Variants in RAI14 observed in about 807,000 individuals in gnomAD.
RAI14 encodes ankycorbin.
In RAI14, 45 loss-of-function variants were observed where a neutral mutation model predicts 115.4. The ratio of observed to expected loss-of-function variants is 0.39; its 90% CI spans 0.31 to 0.50. The LOEUF (loss-of-function observed/expected upper bound fraction) is 0.50. Among genes scored for constraint, RAI14 ranks in the 20% least tolerant of loss-of-function variants. RAI14 has a pLI of 0.85. For synonymous variants in RAI14, 371 were observed against 415.4 expected, an observed-to-expected ratio of 0.89 and a Z score of 1.30; for missense variants, 939 against 1,131.2, an observed-to-expected ratio of 0.83 and a Z score of 2.44.
intron 1 of RAI14, among the ~76,000 whole-genome samples, chr5:34,657,874 C>T (rs915497272): frequency 3.3e-5 from 5 of 152,214 alleles, no homozygotes; most frequent in Non-Finnish European, 1.5e-5. Context: ...GCCTGCAGGT[C>T]CCTGTTCGCC....
At chr5:34,754,805 C>A (rs866155409) in intron 2 of RAI14, among the ~76,000 whole-genome samples, 1 of 152,182 alleles carries the variant, frequency 6.6e-6, no homozygotes, top group Non-Finnish European at 1.5e-5. Context: ...AGAAACTGAA[C>A]TCCCTTAAAG....
At chr5:34,737,250 TCCTA>T (rs1744982991) in intron 2 of RAI14, among the ~76,000 whole-genome samples, 1 of 120,636 alleles carries the variant, frequency 8.3e-6, no homozygotes, top group African/African-American at 3.1e-5. Flanking sequence ...ACACAGATAC[TCCTA>T]ATGTAGTGCA....
At chr5:34,821,448 G>A (rs1237885745) in intron 13 of RAI14, among the ~76,000 whole-genome samples, 1 of 151,858 alleles carries the variant, frequency 6.6e-6, no homozygotes, top group Non-Finnish European at 1.5e-5. Flanking sequence ...ACCAAGATAT[G>A]ACACTTAAGC....
chr5:34,694,930 G>A (rs1254726698), intron 2 of RAI14, among the ~76,000 whole-genome samples: 41 of 152,018 alleles, frequency 2.7e-4, no homozygotes, highest in Admixed American at 2.1e-3. Context: ...ACAGAGTCTC[G>A]CTCTGTCACC....
chr5:34,697,997 T>C (rs986191282), intron 2 of RAI14, among the ~76,000 whole-genome samples: 2 of 152,060 alleles, frequency 1.3e-5, no homozygotes, highest in African/African-American at 4.8e-5. Context: ...TTGGTTCATA[T>C]TGGGTTTATT....
chr5:34,709,129 CAAAAAA>C (rs35361351), intron 2 of RAI14, among the ~76,000 whole-genome samples: 2 of 96,038 alleles, frequency 2.1e-5, no homozygotes, highest in African/African-American at 3.8e-5. Flanking sequence ...GACCCTATCT[CAAAAAA>C]AAAAAAAAAA....
chr5:34,665,774 G>A (rs1480432874), intron 1 of RAI14, among the ~76,000 whole-genome samples: 1 of 152,094 alleles, frequency 6.6e-6, no homozygotes, highest in East Asian at 1.9e-4. Flanking sequence ...CTCAAAGTTT[G>A]AGAATACAAT....
chr5:34,804,497 T>C (rs1479275269), intron 5 of RAI14, among the ~76,000 whole-genome samples: 2 of 152,224 alleles, frequency 1.3e-5, no homozygotes, highest in African/African-American at 4.8e-5. Flanking sequence ...TACTGTCTGT[T>C]CTGTTGAACT....
intron 13 of RAI14, among the ~76,000 whole-genome samples, chr5:34,821,307 T>C (rs1254216519): frequency 6.6e-6 from 1 of 152,126 alleles, no homozygotes; most frequent in Admixed American, 6.6e-5. Context: ...TTGCAGAGTT[T>C]CCAAGTAAGG....
chr5:34,791,650 G>C lies in RAI14; in HGVS notation c.168-4289G>C, dbSNP rs2150193594. Among the ~76,000 whole-genome samples, 1 of 152,258 alleles carries C rather than the reference G, an allele frequency of 6.6e-6. No homozygotes were observed. Among genetic ancestry groups the C allele is most frequent in the East Asian group, 1.9e-4 (1 of 5,186 alleles). ...TAGCAGGAACAGGTAGCATCAAATAGGATAATTGATGAGAGCTTAAGAAAG... is the reference window on the plus strand; with the variant it reads ...TAGCAGGAACAGGTAGCATCAAATACGATAATTGATGAGAGCTTAAGAAAG... On this transcript the variant is annotated intron_variant, in intron 3 of 17. Transcript: ENST00000265109. This position sits in a 1 kb window ranked among gnomAD's most constrained non-coding sequence, Gnocchi z 5.4.
chr5:34,775,188 A>G (rs1750684863), intron 3 of RAI14, among the ~76,000 whole-genome samples: 1 of 152,234 alleles, frequency 6.6e-6, no homozygotes, highest in Admixed American at 6.5e-5. Context: ...GAAACTCTGT[A>G]GGGCGTTGGG....
chr5:34,663,978 TG>T (rs1193600134), intron 1 of RAI14, among the ~76,000 whole-genome samples: 2 of 152,284 alleles, frequency 1.3e-5, no homozygotes, highest in East Asian at 1.9e-4. Flanking sequence ...TGGCATTCAC[TG>T]GAAATTAGTC....
intron 7 of RAI14, among the ~76,000 whole-genome samples, chr5:34,810,533 C>T (rs1755458463): frequency 6.6e-6 from 1 of 152,052 alleles, no homozygotes; most frequent in African/African-American, 2.4e-5. Context: ...TGATACATAG[C>T]AAGATTACTA....
intron 2 of RAI14, among the ~76,000 whole-genome samples, chr5:34,737,760 A>G (rs1056876054): frequency 6.6e-5 from 10 of 152,148 alleles, no homozygotes; most frequent in Admixed American, 2.0e-4. Context: ...CCCTCTCTCA[A>G]AAACAAAAAA....
rs145633981 is a variant in RAI14 at position 34,778,729 on chromosome 5, C to T, written c.168-17210C>T. On this transcript the variant is annotated intron_variant, in intron 3 of 17. Transcript: ENST00000265109. ...CCAGGCTGGGCAACACAGTGAGACCCCGTTTCTGTGATTTTTTTTTTTTTA... is the reference window on the plus strand; with the variant it reads ...CCAGGCTGGGCAACACAGTGAGACCTCGTTTCTGTGATTTTTTTTTTTTTA... Among the ~76,000 whole-genome samples, 840 of 149,872 alleles carry T rather than the reference C, an allele frequency of 5.6e-3. 11 individuals carry two copies. The highest frequency in any genetic ancestry group is 0.02 in the African/African-American group (805 of 40,836).
In RAI14 at chr5:34,787,616, C is replaced by T. The variant is rs558776190; in HGVS notation, c.168-8323C>T. Among the ~76,000 whole-genome samples, 29 of 152,024 alleles carry T rather than the reference C, an allele frequency of 1.9e-4. 1 individual carries two copies. The South Asian group carries it at 5.8e-3, about 30-fold the overall frequency. ...AGGGAAATAGGGAGTGACTGCTAAT[C>T]GATACAGGGATTTTTTTGAGGAGGA... On this transcript the variant is annotated intron_variant, in intron 3 of 17. Transcript: ENST00000265109.
chr5:34,799,520 ACACACACACACACACACAC>A (rs1376578609), intron 4 of RAI14, among the ~76,000 whole-genome samples: 4 of 116,256 alleles, frequency 3.4e-5, no homozygotes, highest in Non-Finnish European at 5.8e-5. Flanking sequence ...ACACACACAC[ACACACACACACACACACAC>A]AAAACCACCT....
At chr5:34,699,338 C>T (rs1404512771) in intron 2 of RAI14, among the ~76,000 whole-genome samples, 2 of 152,136 alleles carry the variant, frequency 1.3e-5, no homozygotes, top group African/African-American at 4.8e-5. Context: ...AAGGGAGTGG[C>T]TTAAACCAGA....
chr5:34,811,055 G>C lies in RAI14; in HGVS notation c.494G>C (p.Ser165Thr), dbSNP rs757642083. The C allele has an allele frequency of 6.2e-7, 1 of 1,614,148 alleles. No homozygotes were observed. Among genetic ancestry groups the C allele is most frequent in the Non-Finnish European group, 8.5e-7 (1 of 1,180,028 alleles). Residue 165 changes from serine to threonine, a missense_variant, in exon 8 of 18, where the codon AGT becomes ACT. Physicochemically the swap from Ser to Thr is moderately conservative, Grantham distance 58. Coordinates refer to ENST00000265109, the MANE Select transcript of RAI14 (RefSeq NM_015577.3). ...PLLLAVQNGHSEICHFLLDHG... is the reference protein window; with the variant it reads ...PLLLAVQNGHTEICHFLLDHG... ...CTTCTTGCTGTACAAAATGGTCACAGTGAGATCTGTCACTTTCTCCTGGAT... is the reference window on the plus strand; with the variant it reads ...CTTCTTGCTGTACAAAATGGTCACACTGAGATCTGTCACTTTCTCCTGGAT...
Sources: allele counts gnomAD v4.1 joint callset (sites outside exome capture counted in the v4.1 genomes callset), GRCh38; gene constraint gnomAD v4.1.1; non-coding constraint Gnocchi (gnomAD v3.1); transcripts MANE v1.5; gene names NCBI Gene and HGNC (gene_info 2026-07-23, HGNC 2026-07-21).